Variants in CERS2 observed in about 807,000 individuals in gnomAD.
CERS2 encodes the protein LAG1 homolog, ceramide synthase 2.
A neutral mutation model predicts 56.6 loss-of-function variants in CERS2; 20 were observed. The observed-to-expected ratio is 0.35, with a 90% CI of 0.25 to 0.51. The LOEUF is 0.51. Ranked by LOEUF, CERS2 falls within the 20% of genes least tolerant of loss-of-function variation. The pLI, the probability that CERS2 is intolerant of heterozygous loss-of-function variation, is 0.96. For synonymous variants in CERS2, 187 were observed against 175.4 expected, an observed-to-expected ratio of 1.07 and a Z score of -0.52; for missense variants, 361 against 488.6, an observed-to-expected ratio of 0.74 and a Z score of 2.46.
chr1:150,968,860 G>A (rs1329057243), intron 2 of CERS2, 58 bp downstream of exon 2: 2 of 1,527,388 alleles, frequency 1.3e-6, no homozygotes, highest in East Asian at 4.5e-5. Context: ...CAAACTTGAA[G>A]TCCAAGAAAC....
chr1:150,968,577 A>T (rs1438939626), intron 2 of CERS2, 65 bp from the exon 3 acceptor site: 2 of 1,282,616 alleles, frequency 1.6e-6, no homozygotes, highest in East Asian at 2.3e-5. Context: ...AAGCTAAGGC[A>T]ACTTTACCCT....
At chr1:150,968,718 C>A (rs1367700000) in intron 2 of CERS2, among the ~76,000 whole-genome samples, 200 bp downstream of exon 2, 4 of 152,120 alleles carry the variant, frequency 2.6e-5, no homozygotes, top group Non-Finnish European at 4.4e-5. Context: ...AACAAATAAC[C>A]ATTGATGGAA....
chr1:150,967,908 G>A, intron 4 of CERS2, 31 bp from the exon 5 acceptor site: 12 of 1,577,808 alleles, frequency 7.6e-6, no homozygotes, highest in Non-Finnish European at 9.6e-6. Flanking sequence ...GGCTAGGTCA[G>A]AGGATAGCAC....
intron 6 of CERS2, 63 bp from the exon 7 acceptor site, chr1:150,967,547 C>G (rs1213545890): frequency 3.6e-5 from 51 of 1,402,096 alleles, no homozygotes; most frequent in South Asian, 1.3e-4. Flanking sequence ...CACAAACCCC[C>G]TAGCCCCTGA....
intron 1 of CERS2, chr1:150,971,984 C>A (rs1671191555): frequency 4.4e-6 from 2 of 458,120 alleles, no homozygotes; most frequent in East Asian, 7.0e-5. Context: ...TTTCTCTAGT[C>A]AGGCGGCAGG....
intron 1 of CERS2, among the ~76,000 whole-genome samples, chr1:150,970,001 G>C (rs1249143434): frequency 2.6e-5 from 4 of 152,166 alleles, no homozygotes; most frequent in Non-Finnish European, 2.9e-5. Context: ...ACCAAGGCAG[G>C]CTGATCACTT....
chr1:150,967,047 G>A (rs767019325), intron 8 of CERS2, 27 bp downstream of exon 8: 1 of 1,613,528 alleles, frequency 6.2e-7, no homozygotes, highest in Non-Finnish European at 8.5e-7. Flanking sequence ...ACCTGCACCA[G>A]GGTCTCTAGA....
chr1:150,966,900 G>C, intron 8 of CERS2, 38 bp from the exon 9 acceptor site: 1 of 1,506,972 alleles, frequency 6.6e-7, no homozygotes, highest in Non-Finnish European at 9.2e-7. Context: ...ATGGGCTCCT[G>C]ACTCCCTCGA....
At chr1:150,971,770 T>C (rs756832069) in intron 1 of CERS2, 1 of 454,758 alleles carries the variant, frequency 2.2e-6, no homozygotes. Context: ...CGGAACACTT[T>C]GATGTGTGCA....
chr1:150,969,562 G>A (rs1435325291), intron 1 of CERS2, among the ~76,000 whole-genome samples: 1 of 136,602 alleles, frequency 7.3e-6, no homozygotes, highest in Non-Finnish European at 1.6e-5. Flanking sequence ...GTGACAGCGA[G>A]ACTGTCTCAA....
At position 150,967,853 on chromosome 1, in the gene CERS2, A is replaced by C; in HGVS notation, c.435T>G (p.Ile145Met). The part of the protein sequence containing the change: ...EASWRFTFYL[I>M]AFIAGMAVIV... Reference sequence around the variant, plus strand: ...TGACGGCCATGCCGGCAATGAAGGCAATCAGGTAAAATGTGAATCTCCAGC... The same window carrying C: ...TGACGGCCATGCCGGCAATGAAGGCCATCAGGTAAAATGTGAATCTCCAGC... Residue 145 changes from isoleucine (I) to methionine (M), a missense_variant, in exon 5 of 11, where the codon ATT becomes ATG. Coordinates refer to ENST00000368954, the MANE Select transcript of CERS2 (RefSeq NM_022075.5). 1.2e-6 allele frequency: 2 copies of C among 1,613,902 alleles called. No homozygotes were observed. Among genetic ancestry groups the C allele is most frequent in the Non-Finnish European group, 1.7e-6 (2 of 1,179,764 alleles).
At chr1:150,968,250 C>T in intron 3 of CERS2, 49 bp from the exon 4 acceptor site, 1 of 1,563,720 alleles carries the variant, frequency 6.4e-7, no homozygotes. Flanking sequence ...CGGAACTCAG[C>T]AGCATCCCCA....
rs587747421 is a variant in CERS2 at position 150,969,227 on chromosome 1, T to C, written c.-1-136A>G. ...ACTCTAGATCCCTATCCTGGCTATG[T>C]AGCCTTGGGCAAATCAGTTTCCTCA... On this transcript the variant is annotated intron_variant, in intron 1 of 10. Transcript: ENST00000368954. 1.5e-5 allele frequency: 11 copies of C among 709,904 alleles called. No individual in the cohort carries two copies. In the Admixed American group the frequency reaches 2.1e-4, roughly 14 times the overall value. The allele number at this position is 709,904 out of a possible 1,614,324, so 44.0% of individuals were successfully genotyped here.
At chr1:150,966,892 G>A (rs377161954) in intron 8 of CERS2, 30 bp from the exon 9 acceptor site, 5 of 1,545,592 alleles carry the variant, frequency 3.2e-6, no homozygotes, top group Non-Finnish European at 4.5e-6. Context: ...CCATCATCAT[G>A]GGCTCCTGAC....
chr1:150,973,453 C>T (rs1378889835), intron 1 of CERS2, among the ~76,000 whole-genome samples: 1 of 152,214 alleles, frequency 6.6e-6, no homozygotes, highest in Admixed American at 6.5e-5. Flanking sequence ...GGAGGCCCTT[C>T]CTCCCAGGGG....
chr1:150,966,658 G>C (rs1455013704), intron 9 of CERS2, 29 bp from the exon 10 acceptor site: 2 of 1,613,262 alleles, frequency 1.2e-6, no homozygotes. Context: ...AGAGAACGTG[G>C]ACAAGAGCAG....
chr1:150,967,478 T>C lies in CERS2; in HGVS notation c.526A>G (p.Ile176Val), dbSNP rs768132524. Residue 176 changes from isoleucine (I) to valine (V), a missense_variant, in exon 7 of 11, where the codon ATC (isoleucine) becomes GTC (valine). Physicochemically the swap from Ile to Val is conservative, Grantham distance 29. Coordinates refer to ENST00000368954, the MANE Select transcript of CERS2 (RefSeq NM_022075.5). ...VWEGYPIQST[I>V]PSQYWYYMIE... ...ATGTAGTACCAATACTGGGAAGGGA[T>C]AGTGCTCTGGGAGAGGAGAGAGAGG... is the stretch of plus-strand genomic sequence containing the variant. 7 of 1,581,124 alleles carry C rather than the reference T, an allele frequency of 4.4e-6. No individual in the cohort carries two copies. Among genetic ancestry groups the C allele is most frequent in the Admixed American group, 1.7e-5 (1 of 59,954 alleles).
At position 150,968,516 on chromosome 1, in the gene CERS2, G is replaced by C; in HGVS notation, c.174-4C>G. The stretch of plus-strand genomic sequence containing the variant: ...AGCCAGTGGTGTAGCCACGTACCTG[G>C]GGAAGGGATATGAGTAAGGTATCTA... On this transcript the variant is annotated splice_polypyrimidine_tract_variant and splice_region_variant and intron_variant, in intron 2 of 10. Coordinates refer to ENST00000368954, the MANE Select transcript of CERS2 (RefSeq NM_022075.5). 2 of 1,606,994 alleles carry C rather than the reference G, an allele frequency of 1.2e-6. No homozygotes were observed. Among genetic ancestry groups the C allele is most frequent in the Non-Finnish European group, 1.7e-6 (2 of 1,173,578 alleles).
chr1:150,966,478 T>A lies in CERS2; in HGVS notation c.1000A>T (p.Lys334Ter). The A allele has an allele frequency of 6.2e-7, 1 of 1,614,184 alleles. No individual in the cohort carries two copies. Among genetic ancestry groups the A allele is most frequent in the Non-Finnish European group, 8.5e-7 (1 of 1,180,022 alleles). The change falls in exon 10 of 11, where the codon AAG (lysine) becomes TAG (stop). Residue 334 changes from lysine (K) to a stop codon, truncating the protein, a stop_gained and splice_region_variant. Coordinates refer to ENST00000368954, the MANE Select transcript of CERS2 (RefSeq NM_022075.5). LOFTEE classifies it high-confidence loss of function. ...ACACAATGGGAACAGGGCTTCACCT[T>A]TCCAGTTATGAACTTGTGGGCCATG... ...LRMAHKFITG[K>*]LVEDERSDRE... is the part of the protein sequence containing the mutation.
Sources: allele counts gnomAD v4.1 joint callset (sites outside exome capture counted in the v4.1 genomes callset), GRCh38; gene constraint gnomAD v4.1.1; transcripts MANE v1.5; gene names NCBI Gene and HGNC (gene_info 2026-07-23, HGNC 2026-07-21).